The following DGKI variants were observed in gnomAD, a reference collection of about 807,000 sequenced individuals.
The protein encoded by DGKI is diacylglycerol kinase iota.
In DGKI, 55 loss-of-function variants were observed where a neutral mutation model predicts 147.5. The observed-to-expected ratio is 0.37, with a 90% CI of 0.30 to 0.47. The LOEUF is 0.47. Among genes scored for constraint, DGKI ranks in the 20% least tolerant of loss-of-function variants. The probability of loss-of-function intolerance (pLI) is 1.00; values close to 1 mark genes in which losing one functional copy is unlikely to be tolerated. For synonymous variants in DGKI, 469 were observed against 477.1 expected (o/e 0.98, Z 0.22); for missense variants, 1,007 against 1,323.8 (o/e 0.76, Z 3.71).
intron 10 of DGKI, among the ~76,000 whole-genome samples, chr7:137,601,915 T>C (rs1820003605): frequency 6.6e-6 from 1 of 152,222 alleles, no homozygotes; most frequent in African/African-American, 2.4e-5. Flanking sequence ...ACGTTCTATC[T>C]AATAATTACA....
chr7:137,419,057 G>C (rs2095179653), intron 28 of DGKI, among the ~76,000 whole-genome samples: 1 of 152,202 alleles, frequency 6.6e-6, no homozygotes, highest in African/African-American at 2.4e-5. Context: ...CCAGCTGAGA[G>C]ACAAAGGACT....
intron 1 of DGKI, chr7:137,722,041 A>C: frequency 1.9e-6 from 3 of 1,590,982 alleles, no homozygotes; most frequent in Non-Finnish European, 2.6e-6. Context: ...ACCTGAAGCC[A>C]AGAAGGCTGA....
chr7:137,474,749 C>T (rs982028151), intron 23 of DGKI, among the ~76,000 whole-genome samples: 2 of 152,048 alleles, frequency 1.3e-5, no homozygotes, highest in South Asian at 2.1e-4. Context: ...AAAAACAAGG[C>T]GAGAGATTGT....
At chr7:137,753,829 G>A (rs1345638923) in intron 1 of DGKI, among the ~76,000 whole-genome samples, 1 of 152,142 alleles carries the variant, frequency 6.6e-6, no homozygotes, top group Non-Finnish European at 1.5e-5. Flanking sequence ...CGTTAGAGCA[G>A]CTTTGAGAGT....
chr7:137,669,119 G>A lies in DGKI; in HGVS notation c.606+9438C>T, dbSNP rs189152274. Among the ~76,000 whole-genome samples the A allele has an allele frequency of 2.0e-5, 3 of 152,284 alleles. No homozygotes were observed. The East Asian group carries it at 5.8e-4, about 29-fold the overall frequency. On this transcript the variant is annotated intron_variant, in intron 3 of 32. Transcript: ENST00000614521. ...GCCTGGAAATCAGGATTCAAAACCA[G>A]GTCATCTGATTCCAAAGCTCACACG...
intron 14 of DGKI, among the ~76,000 whole-genome samples, chr7:137,582,789 G>A (rs1819250774): frequency 6.6e-6 from 1 of 152,096 alleles, no homozygotes; most frequent in Non-Finnish European, 1.5e-5. Flanking sequence ...TTAAATGTTA[G>A]AACAATTAAG....
intron 19 of DGKI, among the ~76,000 whole-genome samples, chr7:137,557,809 G>A (rs370293091): frequency 9.2e-5 from 14 of 152,148 alleles, no homozygotes; most frequent in South Asian, 4.2e-4. Context: ...TAGTTCTGCC[G>A]TATGACCCTC....
chr7:137,384,393 G>C lies in DGKI; in HGVS notation c.*6827C>G, dbSNP rs2128889912. The C allele has an allele frequency of 2.1e-5, 2 of 95,126 alleles. No individual in the cohort carries two copies. Among genetic ancestry groups the C allele is most frequent in the Middle Eastern group, 0.013 (2 of 154 alleles). 5.9% of individuals were successfully genotyped at this position (95,126 alleles called of 1,614,324 possible). ...AACTCATTCTTTCCGTGGAAACTTAGGTAAACATTTTTTTTTCATGGAGGC... is the reference window on the plus strand; with the variant it reads ...AACTCATTCTTTCCGTGGAAACTTACGTAAACATTTTTTTTTCATGGAGGC... On this transcript the variant is annotated 3_prime_UTR_variant, in exon 33 of 33. Coordinates refer to ENST00000614521, the MANE Select transcript of DGKI (RefSeq NM_001321708.2).
At chr7:137,771,473 C>A (rs925020101) in intron 1 of DGKI, 10 of 152,204 alleles carry the variant, frequency 6.6e-5, no homozygotes, top group Non-Finnish European at 1.5e-5. Context: ...ATTCCAGATA[C>A]TTTCAGTGAT....
chr7:137,521,082 G>A (rs1447827233), intron 21 of DGKI, among the ~76,000 whole-genome samples: 1 of 151,812 alleles, frequency 6.6e-6, no homozygotes, highest in African/African-American at 2.4e-5. Context: ...TTGACTATTG[G>A]CCCCCACAAT....
At chr7:137,611,708 C>T (rs1318623286) in intron 8 of DGKI, among the ~76,000 whole-genome samples, 2 of 152,206 alleles carry the variant, frequency 1.3e-5, no homozygotes, top group Non-Finnish European at 2.9e-5. Flanking sequence ...ACCATGAGCA[C>T]TTCAGTAAAT....
intron 4 of DGKI, among the ~76,000 whole-genome samples, chr7:137,655,323 C>T (rs111682543): frequency 1.3e-5 from 2 of 151,946 alleles, no homozygotes; most frequent in African/African-American, 4.8e-5. Flanking sequence ...CTCAGCCTCC[C>T]GAGTAGCTGG....
At chr7:137,613,206 C>T (rs1585285796) in intron 8 of DGKI, among the ~76,000 whole-genome samples, 1 of 152,192 alleles carries the variant, frequency 6.6e-6, no homozygotes, top group East Asian at 1.9e-4. Context: ...GTTCGCTCTT[C>T]TTTGTCATCC....
intron 1 of DGKI, among the ~76,000 whole-genome samples, chr7:137,707,989 C>T (rs1297447166): frequency 2.0e-5 from 3 of 152,164 alleles, no homozygotes; most frequent in African/African-American, 4.8e-5. Context: ...GACTAGACCC[C>T]TATCCCTAAG....
intron 21 of DGKI, chr7:137,493,865 T>C (rs1385725839): frequency 1.5e-6 from 1 of 682,830 alleles, no homozygotes; most frequent in Non-Finnish European, 2.7e-6. Context: ...AATCAGAATA[T>C]GGACAGGAAT....
At chr7:137,605,748 G>A (rs879833587) in intron 10 of DGKI, among the ~76,000 whole-genome samples, 3 of 152,204 alleles carry the variant, frequency 2.0e-5, no homozygotes, top group Admixed American at 6.5e-5. Flanking sequence ...ATATGTAGTA[G>A]AGCTAAGAAA....
intron 21 of DGKI, among the ~76,000 whole-genome samples, chr7:137,506,641 A>G (rs1468035457): frequency 6.6e-6 from 1 of 152,188 alleles, no homozygotes; most frequent in African/African-American, 2.4e-5. Flanking sequence ...CAATAGTAAC[A>G]AATGAACCAC....
rs1554442534 is a variant in DGKI at position 137,618,152 on chromosome 7, T to TATATATATATA, written c.993+1671_993+1672insTATATATATAT. ...CTATATATATATATATATATATATA[T>TATATATATATA]TTTTTTTTTTTTACTCTATCATTCC... is the stretch of plus-strand genomic sequence containing the variant. On this transcript the variant is annotated intron_variant, in intron 8 of 32. Transcript: ENST00000614521. 4.9e-3 allele frequency among the ~76,000 whole-genome samples: 70 copies of TATATATATATA among 14,366 alleles called. 2 individuals are homozygous for TATATATATATA. Among genetic ancestry groups the TATATATATATA allele is most frequent in the African/African-American group, 9.1e-3 (70 of 7,730 alleles). The allele number at this position is 14,366 out of a possible 152,430, so 9.4% of individuals were successfully genotyped here.
At chr7:137,750,013 G>A (rs558539097) in intron 1 of DGKI, among the ~76,000 whole-genome samples, 1 of 152,298 alleles carries the variant, frequency 6.6e-6, no homozygotes, top group East Asian at 1.9e-4. Context: ...TATTGTCACA[G>A]TAGAGCAGAG....
Sources: gnomAD v4.1 joint callset for allele counts (sites outside exome capture counted in the v4.1 genomes callset) on GRCh38, gnomAD v4.1.1 for gene constraint, MANE v1.5 for transcripts, NCBI Gene and HGNC (gene_info 2026-07-23, HGNC 2026-07-21) for gene names.